Variants in TRABD2B observed in about 807,000 individuals in gnomAD.
TRABD2B encodes the protein TraB domain containing 2B, also known as metalloprotease TIKI2.
Under a neutral mutation model 40.1 loss-of-function variants are expected in TRABD2B, and 14 were observed. The ratio of observed to expected loss-of-function variants is 0.35; its 90% CI spans 0.23 to 0.55. The LOEUF (loss-of-function observed/expected upper bound fraction) is 0.55, where lower values mean the gene tolerates loss of function less well. TRABD2B is among the 20% of genes least tolerant of loss of function. The pLI, the probability that TRABD2B is intolerant of heterozygous loss-of-function variation, is 0.90. For synonymous variants in TRABD2B, 263 were observed against 277.0 expected, an observed-to-expected ratio of 0.95 and a Z score of 0.50; for missense variants, 541 against 648.6, an observed-to-expected ratio of 0.83 and a Z score of 1.80.
chr1:47,891,071 C>A (rs1570225636), intron 2 of TRABD2B, among the ~76,000 whole-genome samples: 1 of 152,194 alleles, frequency 6.6e-6, no homozygotes, highest in Non-Finnish European at 1.5e-5. Context: ...TAACCTTGGA[C>A]AAGTTGCTTA....
At chr1:47,788,529 G>A (rs751232511) in intron 4 of TRABD2B, among the ~76,000 whole-genome samples, 2 of 152,176 alleles carry the variant, frequency 1.3e-5, no homozygotes, top group African/African-American at 2.4e-5. Context: ...CTGGACTTCT[G>A]CTCCCTGTGG....
intron 2 of TRABD2B, among the ~76,000 whole-genome samples, chr1:47,826,960 C>A (rs1343209081): frequency 6.6e-6 from 1 of 152,132 alleles, no homozygotes; most frequent in Admixed American, 6.5e-5. Context: ...CTGTAGTGAC[C>A]CCCACACACT....
chr1:47,879,224 A>G (rs1644266999), intron 2 of TRABD2B, among the ~76,000 whole-genome samples: 1 of 152,244 alleles, frequency 6.6e-6, no homozygotes, highest in Non-Finnish European at 1.5e-5. Flanking sequence ...AAAAACACAC[A>G]TACATATAAA....
In TRABD2B at chr1:47,805,129, G is replaced by C. The variant is rs1419449307; in HGVS notation, c.667-3510C>G. 2.6e-5 allele frequency among the ~76,000 whole-genome samples: 4 copies of C among 152,230 alleles called. No individual in the cohort carries two copies. The East Asian group carries it at 7.7e-4, about 29-fold the overall frequency. On this transcript the variant is annotated intron_variant, in intron 2 of 6. Coordinates refer to ENST00000606738, the MANE Select transcript of TRABD2B (RefSeq NM_001194986.2). ...GCCTAAGGCCACACAATGAGCTGTG[G>C]GCAGAGTGGACTCAACCCCAACTCT...
At position 47,996,411 on chromosome 1, in the gene TRABD2B, G is replaced by A. The variant is rs1259284798; in HGVS notation, c.102+277C>T. Among the ~76,000 whole-genome samples the A allele has an allele frequency of 6.6e-6, 1 of 152,192 alleles. No individual in the cohort carries two copies. The highest frequency in any genetic ancestry group is 2.4e-5 in the African/African-American group (1 of 41,464). On this transcript the variant is annotated intron_variant, in intron 1 of 6. Coordinates refer to ENST00000606738, the MANE Select transcript of TRABD2B (RefSeq NM_001194986.2). This position sits in a 1 kb window ranked among gnomAD's most constrained non-coding sequence, Gnocchi z 4.6. The stretch of plus-strand genomic sequence containing the variant: ...AAGGAGAGACAAAAAGGGGCAGAGA[G>A]AGAGGAGGCGTCCAAGCAGGACCAC...
At chr1:47,907,568 C>G (rs1644695580) in intron 2 of TRABD2B, among the ~76,000 whole-genome samples, 1 of 152,106 alleles carries the variant, frequency 6.6e-6, no homozygotes. Flanking sequence ...GGGATTAGAA[C>G]CTGGTTTGTA....
At chr1:47,854,680 A>G (rs1643873851) in intron 2 of TRABD2B, among the ~76,000 whole-genome samples, 1 of 152,202 alleles carries the variant, frequency 6.6e-6, no homozygotes, top group African/African-American at 2.4e-5. Flanking sequence ...TTACATTTAG[A>G]GCAAGTAAAG....
chr1:47,791,194 G>C (rs1032725937), intron 4 of TRABD2B, among the ~76,000 whole-genome samples: 1 of 152,144 alleles, frequency 6.6e-6, no homozygotes, highest in Non-Finnish European at 1.5e-5. Context: ...CCAGGCAGGC[G>C]GAGGCTCAAT....
In TRABD2B at chr1:47,971,628, C is replaced by A. The variant is rs146793701; in HGVS notation, c.666+22406G>T. ...TCTTCCTGCCTTCCCTGACAGCACG[C>A]AGCCTAATGCCACACCCACAATAGG... On this transcript the variant is annotated intron_variant, in intron 2 of 6. Coordinates refer to ENST00000606738, the MANE Select transcript of TRABD2B (RefSeq NM_001194986.2). 2.8e-3 allele frequency among the ~76,000 whole-genome samples: 425 copies of A among 152,258 alleles called. 5 individuals carry two copies. The highest frequency in any genetic ancestry group is 2.8e-3 in the Non-Finnish European group (191 of 68,022).
chr1:47,911,690 C>G (rs1355769804), intron 2 of TRABD2B, among the ~76,000 whole-genome samples: 1 of 152,250 alleles, frequency 6.6e-6, no homozygotes, highest in Non-Finnish European at 1.5e-5. Flanking sequence ...CTCCAGAGCG[C>G]AGGCCCTCGT....
chr1:47,846,897 A>C (rs573991554), intron 2 of TRABD2B, among the ~76,000 whole-genome samples: 20 of 69,428 alleles, frequency 2.9e-4, no homozygotes, highest in African/African-American at 9.6e-4. Context: ...CACACACACA[A>C]ATGAGGGCTG....
chr1:47,982,706 A>G (rs60975548), intron 2 of TRABD2B, among the ~76,000 whole-genome samples: 4,826 of 152,318 alleles, frequency 0.032, 273 homozygotes, highest in African/African-American at 0.11. Flanking sequence ...TGGATAGGAA[A>G]CAGGAAGAAT....
At chr1:47,882,248 C>T (rs939342421) in intron 2 of TRABD2B, among the ~76,000 whole-genome samples, 7 of 152,188 alleles carry the variant, frequency 4.6e-5, no homozygotes, top group African/African-American at 9.7e-5. Context: ...CCCATGCTGC[C>T]GTTGCATGGG....
intron 2 of TRABD2B, among the ~76,000 whole-genome samples, chr1:47,831,646 T>C (rs1387985723): frequency 6.6e-6 from 1 of 152,152 alleles, no homozygotes; most frequent in Non-Finnish European, 1.5e-5. Flanking sequence ...CTTAAGGACA[T>C]TTCCAATTCG....
At chr1:47,936,081 A>T (rs1645103009) in intron 2 of TRABD2B, among the ~76,000 whole-genome samples, 1 of 152,226 alleles carries the variant, frequency 6.6e-6, no homozygotes, top group South Asian at 2.1e-4. Flanking sequence ...GGCACACAGG[A>T]GGGACTCAGG....
At chr1:47,959,880 T>C (rs1392056096) in intron 2 of TRABD2B, among the ~76,000 whole-genome samples, 5 of 152,142 alleles carry the variant, frequency 3.3e-5, no homozygotes, top group Admixed American at 6.5e-5. Flanking sequence ...ATCATCCTCA[T>C]ACCAAAGCCT....
chr1:47,985,095 T>C (rs955005666), intron 2 of TRABD2B, among the ~76,000 whole-genome samples: 1 of 152,250 alleles, frequency 6.6e-6, no homozygotes, highest in Non-Finnish European at 1.5e-5. Context: ...ACAGCAATCC[T>C]ATACAGTTGA....
intron 2 of TRABD2B, among the ~76,000 whole-genome samples, chr1:47,891,168 C>T (rs371567686): frequency 3.3e-5 from 5 of 152,142 alleles, no homozygotes; most frequent in African/African-American, 7.2e-5. Context: ...CATAATAATG[C>T]TATAGAAGTA....
At chr1:47,959,424 G>C (rs1466687988) in intron 2 of TRABD2B, among the ~76,000 whole-genome samples, 1 of 152,132 alleles carries the variant, frequency 6.6e-6, no homozygotes, top group East Asian at 1.9e-4. Context: ...GAATCCAGGG[G>C]CTGGTTTTTT....
Sources: allele counts gnomAD v4.1 joint callset (sites outside exome capture counted in the v4.1 genomes callset), GRCh38; gene constraint gnomAD v4.1.1; non-coding constraint Gnocchi (gnomAD v3.1); transcripts MANE v1.5; gene names NCBI Gene and HGNC (gene_info 2026-07-23, HGNC 2026-07-21).